Variants in POC5 observed in about 807,000 individuals in gnomAD.
The protein encoded by POC5 is POC5 centriolar protein.
Under a neutral mutation model 62.9 loss-of-function variants are expected in POC5, and 48 were observed. The observed-to-expected ratio is 0.76, with a 90% confidence interval of 0.61 to 0.97. The LOEUF (loss-of-function observed/expected upper bound fraction) is 0.97, where lower values mean the gene tolerates loss of function less well. Among genes scored for constraint, POC5 ranks in the 50% least tolerant of loss-of-function variants. POC5 has a pLI of 0.00. For missense variants in POC5, 696 were observed against 679.5 expected, an observed-to-expected ratio of 1.02 and a Z score of -0.27; for synonymous variants, 236 against 228.2, an observed-to-expected ratio of 1.03 and a Z score of -0.31.
intron 4 of POC5, among the ~76,000 whole-genome samples, chr5:75,703,976 A>T (rs1777013224): frequency 6.6e-6 from 1 of 151,948 alleles, no homozygotes; most frequent in Admixed American, 6.6e-5. Context: ...CAACATGGTA[A>T]AACCCTATCT....
At chr5:75,685,013 G>A (rs947568417) in intron 10 of POC5, among the ~76,000 whole-genome samples, 194 bp downstream of exon 10, 10 of 151,962 alleles carry the variant, frequency 6.6e-5, no homozygotes, top group African/African-American at 2.4e-4. Context: ...GACTACAGGC[G>A]GCTGCCACCA....
At chr5:75,677,329 A>C (rs1775705755) in intron 11 of POC5, among the ~76,000 whole-genome samples, 1 of 152,196 alleles carries the variant, frequency 6.6e-6, no homozygotes, top group South Asian at 2.1e-4. Context: ...TACTGAAAAA[A>C]GGGGAAGACT....
At chr5:75,685,544 C>A in intron 9 of POC5, 60 bp from the exon 10 acceptor site, 1 of 1,513,918 alleles carries the variant, frequency 6.6e-7, no homozygotes, top group Non-Finnish European at 9.0e-7. Flanking sequence ...TATTATCTTC[C>A]AAACAATGAA....
intron 1 of POC5, among the ~76,000 whole-genome samples, chr5:75,716,386 G>T (rs930059225): frequency 3.7e-5 from 2 of 53,416 alleles, no homozygotes; most frequent in Non-Finnish European, 8.3e-5. Flanking sequence ...ACAGGGGTGG[G>T]GGGGGGGGGG....
Position 75,694,750 on chromosome 5 carries a change from T to C in POC5, c.595A>G (p.Lys199Glu). Residue 199 changes from lysine to glutamate, a missense_variant, in exon 6 of 12, where the codon AAA becomes GAA. Coordinates refer to ENST00000428202, the MANE Select transcript of POC5 (RefSeq NM_001099271.2). ...HRMEMRKEKE[K>E]HAAHLKQLCN... ...AGTTGTTTTAAATGTGCTGCATGTT[T>C]TTCTTTCTCTTTTCTCATTTCCATT... is the stretch of plus-strand genomic sequence containing the variant. 6.3e-7 allele frequency: 1 copy of C among 1,593,992 alleles called. No homozygotes were observed. Among genetic ancestry groups the C allele is most frequent in the African/African-American group, 1.3e-5 (1 of 74,556 alleles).
At chr5:75,697,024 G>T (rs946772251) in intron 5 of POC5, among the ~76,000 whole-genome samples, 1 of 152,100 alleles carries the variant, frequency 6.6e-6, no homozygotes, top group Non-Finnish European at 1.5e-5. Flanking sequence ...AAAAAGAAAC[G>T]AGCAAAGCCT....
At chr5:75,715,082 G>A (rs549771938) in intron 1 of POC5, among the ~76,000 whole-genome samples, 4 of 152,154 alleles carry the variant, frequency 2.6e-5, no homozygotes, top group Admixed American at 1.3e-4. Context: ...GGAGGCTGAG[G>A]TGGGAGGATT....
chr5:75,707,111 T>C (rs143769212), intron 3 of POC5, among the ~76,000 whole-genome samples: 263 of 152,314 alleles, frequency 1.7e-3, no homozygotes, highest in African/African-American at 6.1e-3. Context: ...CTGTGCCCTT[T>C]GAAAGAACAT....
intron 2 of POC5, among the ~76,000 whole-genome samples, chr5:75,710,564 T>C (rs753852626): frequency 2.6e-5 from 4 of 152,276 alleles, no homozygotes; most frequent in South Asian, 2.1e-4. Context: ...CATGCAAAGA[T>C]ACAGCAAGAA....
chr5:75,715,909 A>C (rs1291659825), intron 1 of POC5, among the ~76,000 whole-genome samples: 1 of 152,214 alleles, frequency 6.6e-6, no homozygotes, highest in Non-Finnish European at 1.5e-5. Flanking sequence ...CAATATCACA[A>C]CTTTGAGAAG....
intron 5 of POC5, among the ~76,000 whole-genome samples, chr5:75,696,680 C>T (rs1401495774): frequency 1.3e-5 from 2 of 152,228 alleles, no homozygotes; most frequent in African/African-American, 4.8e-5. Context: ...ATCGCAGTTC[C>T]TCACCAGCAA....
chr5:75,706,557 C>G lies in POC5; in HGVS notation c.224-770G>C, dbSNP rs922685790. On this transcript the variant is annotated intron_variant, in intron 3 of 11. Transcript: ENST00000428202. The stretch of plus-strand genomic sequence containing the variant: ...CCTTGAACTGTTGACTACAGCATCT[C>G]GAAAGTTTTTTCTTTTTTTTTTTTT... Among the ~76,000 whole-genome samples the G allele has an allele frequency of 9.6e-4, 142 of 147,932 alleles. 1 individual carries two copies. The highest frequency in any genetic ancestry group is 1.5e-3 in the Non-Finnish European group (97 of 66,062).
At chr5:75,704,766 G>GAGGCATT (rs1214999999) in intron 4 of POC5, among the ~76,000 whole-genome samples, 1 of 152,222 alleles carries the variant, frequency 6.6e-6, no homozygotes, top group African/African-American at 2.4e-5. Context: ...CTAAGGGTTA[G>GAGGCATT]AGGCATTACT....
At chr5:75,714,682 G>A (rs938222364) in intron 1 of POC5, among the ~76,000 whole-genome samples, 9 of 152,180 alleles carry the variant, frequency 5.9e-5, no homozygotes, top group African/African-American at 1.9e-4. Flanking sequence ...TTGGGAGGAA[G>A]GACAATGAGT....
intron 1 of POC5, among the ~76,000 whole-genome samples, chr5:75,716,488 C>A (rs903427746): frequency 6.6e-6 from 1 of 151,888 alleles, no homozygotes; most frequent in Admixed American, 6.6e-5. Context: ...AAAAACCCAC[C>A]GCACTCTTGG....
chr5:75,684,870 C>CT (rs369470317), intron 10 of POC5, among the ~76,000 whole-genome samples: 315 of 136,292 alleles, frequency 2.3e-3, no homozygotes, highest in Middle Eastern at 3.9e-3. Context: ...TACAAACAAG[C>CT]TTTTTTTTTT....
At chr5:75,683,012 T>C (rs1775929758) in intron 10 of POC5, among the ~76,000 whole-genome samples, 1 of 152,214 alleles carries the variant, frequency 6.6e-6, no homozygotes, top group African/African-American at 2.4e-5. Context: ...TCTCAATACC[T>C]CCTTTAGCTA....
rs73763394 is a variant in POC5 at position 75,681,060 on chromosome 5, C to A, written c.1408-3110G>T. Among the ~76,000 whole-genome samples, 640 of 151,990 alleles carry A rather than the reference C, an allele frequency of 4.2e-3. 5 individuals are homozygous for A. Among genetic ancestry groups the A allele is most frequent in the African/African-American group, 0.015 (617 of 41,460 alleles). ...ATTCTAGCATTTTAAGCCACATCAA[C>A]ATAAGCAACAAAATTGAAAGGAGTA... is the stretch of plus-strand genomic sequence containing the variant. On this transcript the variant is annotated intron_variant, in intron 10 of 11. Transcript: ENST00000428202.
chr5:75,712,498 T>C, intron 2 of POC5: 1 of 1,499,784 alleles, frequency 6.7e-7, no homozygotes, highest in Non-Finnish European at 9.2e-7. Flanking sequence ...GAACTTTGGA[T>C]GGTTTGATAT....
Sources: gnomAD v4.1 joint callset for allele counts (sites outside exome capture counted in the v4.1 genomes callset) on GRCh38, gnomAD v4.1.1 for gene constraint, MANE v1.5 for transcripts, NCBI Gene and HGNC (gene_info 2026-07-23, HGNC 2026-07-21) for gene names.